Variants in EML4 observed in about 807,000 individuals in gnomAD.
The protein encoded by EML4 is EMAP like 4.
A neutral mutation model predicts 129.0 loss-of-function variants in EML4; 72 were observed. The observed-to-expected ratio is 0.56, with a 90% CI of 0.46 to 0.68. EML4 has a LOEUF of 0.68. EML4 is among the 30% of genes least tolerant of loss of function. EML4 has a pLI of 0.00. For missense variants in EML4, 1,363 were observed against 1,190.6 expected, an observed-to-expected ratio of 1.14 and a Z score of -2.13; for synonymous variants, 532 against 405.0, an observed-to-expected ratio of 1.31 and a Z score of -3.77.
chr2:42,191,533 G>C (rs1375902904), intron 1 of EML4, among the ~76,000 whole-genome samples: 3 of 152,136 alleles, frequency 2.0e-5, no homozygotes, highest in African/African-American at 7.2e-5. Flanking sequence ...CCAATGTTTA[G>C]AAAAATAGGA....
At chr2:42,228,465 C>A (rs75839804) in intron 1 of EML4, among the ~76,000 whole-genome samples, 1 of 152,122 alleles carries the variant, frequency 6.6e-6, no homozygotes, top group African/African-American at 2.4e-5. Flanking sequence ...ACATCATGTT[C>A]TTAGAGCTTG....
intron 21 of EML4, among the ~76,000 whole-genome samples, chr2:42,326,529 T>C (rs1235811811): frequency 2.7e-5 from 4 of 150,350 alleles, no homozygotes; most frequent in Non-Finnish European, 5.9e-5. Flanking sequence ...ATTGAAGTTA[T>C]TAAATTTGGA....
chr2:42,264,762 T>C (rs770172462), intron 6 of EML4, 31 bp downstream of exon 6: 1 of 1,461,012 alleles, frequency 6.8e-7, no homozygotes, highest in South Asian at 1.2e-5. Flanking sequence ...AAAATTTTAT[T>C]TTGCCCTTCT....
intron 1 of EML4, among the ~76,000 whole-genome samples, chr2:42,225,063 C>T (rs977787374): frequency 1.3e-5 from 2 of 152,094 alleles, no homozygotes; most frequent in African/African-American, 2.4e-5. Flanking sequence ...AAAGGTCACT[C>T]ATGTTTTAGC....
intron 4 of EML4, among the ~76,000 whole-genome samples, chr2:42,262,261 C>T (rs1438072194): frequency 6.6e-6 from 1 of 152,124 alleles, no homozygotes; most frequent in African/African-American, 2.4e-5. Context: ...TGCATGTTTA[C>T]CACTTACAAA....
chr2:42,178,658 G>T (rs1236717074), intron 1 of EML4, among the ~76,000 whole-genome samples: 1 of 152,162 alleles, frequency 6.6e-6, no homozygotes, highest in Non-Finnish European at 1.5e-5. Context: ...CAAAAAAGAG[G>T]ATTTACCATA....
At chr2:42,292,397 CAAT>C (rs903223757) in intron 11 of EML4, among the ~76,000 whole-genome samples, 1 of 152,004 alleles carries the variant, frequency 6.6e-6, no homozygotes, top group African/African-American at 2.4e-5. Flanking sequence ...ATGGTTAAGT[CAAT>C]AATGTGATAT....
chr2:42,317,584 CAA>C, intron 19 of EML4, 60 bp downstream of exon 19: 3 of 1,105,110 alleles, frequency 2.7e-6, no homozygotes, highest in South Asian at 2.7e-5. Context: ...CCGTTAAAAA[CAA>C]ATTTTTACAT....
chr2:42,227,703 C>T lies in EML4; in HGVS notation c.26-17802C>T, dbSNP rs1431978739. Among the ~76,000 whole-genome samples, 3 of 152,206 alleles carry T rather than the reference C, an allele frequency of 2.0e-5. No individual in the cohort carries two copies. In the East Asian group the frequency reaches 5.8e-4, roughly 29 times the overall value. ...GAACAACCCCGCCCCCTTCCTCCTC[C>T]TCTGCCTATGCAGCATGAAAACAGC... is the stretch of plus-strand genomic sequence containing the variant. On this transcript the variant is annotated intron_variant, in intron 1 of 22. Transcript: ENST00000318522.
intron 1 of EML4, among the ~76,000 whole-genome samples, chr2:42,234,845 C>G (rs1313127208): frequency 6.6e-6 from 1 of 152,068 alleles, no homozygotes; most frequent in Non-Finnish European, 1.5e-5. Flanking sequence ...GAACTCTAAC[C>G]AAAAAACATC....
chr2:42,232,035 T>G (rs560518794), intron 1 of EML4, among the ~76,000 whole-genome samples: 1 of 152,294 alleles, frequency 6.6e-6, no homozygotes, highest in Admixed American at 6.5e-5. Flanking sequence ...CTTTGAAAAT[T>G]TTTTATATAC....
At chr2:42,185,888 GT>G (rs1671222153) in intron 1 of EML4, among the ~76,000 whole-genome samples, 1 of 152,134 alleles carries the variant, frequency 6.6e-6, no homozygotes, top group East Asian at 1.9e-4. Flanking sequence ...CTTCCCTCTG[GT>G]TTTCTTCAGT....
At chr2:42,309,721 G>C (rs901945002) in intron 17 of EML4, among the ~76,000 whole-genome samples, 4 of 152,068 alleles carry the variant, frequency 2.6e-5, no homozygotes, top group African/African-American at 7.2e-5. Flanking sequence ...TTGAAATCCT[G>C]TGCCCATCTT....
At chr2:42,247,265 G>A (rs1402231121) in intron 2 of EML4, among the ~76,000 whole-genome samples, 1 of 152,120 alleles carries the variant, frequency 6.6e-6, no homozygotes, top group Non-Finnish European at 1.5e-5. Context: ...TATATATCGA[G>A]ATAATGATAA....
At chr2:42,216,047 G>A (rs552735188) in intron 1 of EML4, among the ~76,000 whole-genome samples, 1 of 151,376 alleles carries the variant, frequency 6.6e-6, no homozygotes, top group East Asian at 2.0e-4. Context: ...AGCCTCTTAA[G>A]TAGCTGAGAC....
chr2:42,281,565 G>A (rs551592636), intron 7 of EML4, among the ~76,000 whole-genome samples: 185 of 152,196 alleles, frequency 1.2e-3, no homozygotes, highest in Non-Finnish European at 1.9e-3. Context: ...TTTGAGTTTT[G>A]GCCCTGCCAC....
At chr2:42,271,396 C>T (rs1031981788) in intron 6 of EML4, among the ~76,000 whole-genome samples, 1 of 149,564 alleles carries the variant, frequency 6.7e-6, no homozygotes, top group Non-Finnish European at 1.5e-5. Flanking sequence ...AAAAGGGGAC[C>T]TTTCCTCTGT....
Position 42,294,257 on chromosome 2 carries a change from T to G in EML4, c.1219-868T>G, listed in dbSNP as rs563249484. On this transcript the variant is annotated intron_variant, in intron 11 of 22. Coordinates refer to ENST00000318522, the MANE Select transcript of EML4 (RefSeq NM_019063.5). ...TTTTAAACTTAATGCCTGTCTTTGCTAGATTTTTTGAGGGAAAAGAGCATA... is the reference window on the plus strand; with the variant it reads ...TTTTAAACTTAATGCCTGTCTTTGCGAGATTTTTTGAGGGAAAAGAGCATA... 1.1e-4 allele frequency among the ~76,000 whole-genome samples: 17 copies of G among 152,346 alleles called. No homozygotes were observed. In the East Asian group the frequency reaches 3.3e-3, roughly 29 times the overall value.
chr2:42,314,289 G>A (rs1473103672), intron 17 of EML4, among the ~76,000 whole-genome samples: 1 of 152,098 alleles, frequency 6.6e-6, no homozygotes, highest in African/African-American at 2.4e-5. Context: ...AACCCAGGAG[G>A]CGGAGGTTGC....
Sources: allele counts gnomAD v4.1 joint callset (sites outside exome capture counted in the v4.1 genomes callset), GRCh38; gene constraint gnomAD v4.1.1; transcripts MANE v1.5; gene names NCBI Gene and HGNC (gene_info 2026-07-23, HGNC 2026-07-21).